CTNND2: variants seen among roughly 807,000 people sequenced by gnomAD.
The protein encoded by CTNND2 is catenin delta-2.
Under a neutral mutation model 144.4 loss-of-function variants are expected in CTNND2, and 22 were observed. The ratio of observed to expected loss-of-function variants is 0.15; its 90% CI spans 0.11 to 0.22. The LOEUF (loss-of-function observed/expected upper bound fraction) is 0.22, where lower values mean the gene tolerates loss of function less well. Among genes scored for constraint, CTNND2 ranks in the 10% least tolerant of loss-of-function variants. The pLI, the probability that CTNND2 is intolerant of heterozygous loss-of-function variation, is 1.00. For synonymous variants in CTNND2, 751 were observed against 695.6 expected, an observed-to-expected ratio of 1.08 and a Z score of -1.25; for missense variants, 1,353 against 1,618.8, an observed-to-expected ratio of 0.84 and a Z score of 2.82.
chr5:11,547,716 A>G (rs1425407183), intron 3 of CTNND2, among the ~76,000 whole-genome samples: 1 of 152,218 alleles, frequency 6.6e-6, no homozygotes, highest in Non-Finnish European at 1.5e-5. Context: ...CAGATTTGCA[A>G]CAACAGCACC....
chr5:11,255,889 T>C (rs1265576696), intron 9 of CTNND2, among the ~76,000 whole-genome samples: 1 of 152,208 alleles, frequency 6.6e-6, no homozygotes, highest in Non-Finnish European at 1.5e-5. Flanking sequence ...CTCCAGGCTG[T>C]AGCCTCTCCA....
At chr5:11,409,143 A>C (rs1761321994) in intron 5 of CTNND2, among the ~76,000 whole-genome samples, 1 of 151,940 alleles carries the variant, frequency 6.6e-6, no homozygotes, top group African/African-American at 2.4e-5. Context: ...TTGCTTAGTA[A>C]ATGCTATGCA....
At position 10,988,706 on chromosome 5, in the gene CTNND2, T is replaced by C. The variant is rs1293932740; in HGVS notation, c.3212-464A>G. Among the ~76,000 whole-genome samples, 1 of 152,202 alleles carries C rather than the reference T, an allele frequency of 6.6e-6. No homozygotes were observed. Among genetic ancestry groups the C allele is most frequent in the African/African-American group, 2.4e-5 (1 of 41,446 alleles). On this transcript the variant is annotated intron_variant, in intron 19 of 21. Transcript: ENST00000304623. The surrounding 1 kb of genome is among the most constrained non-coding windows in gnomAD (Gnocchi z 5.9). ...TCCTTGATTAAAATAAATGCAGTTTTACTTAAACACTGAGTCACCTAGAAA... is the reference window on the plus strand; with the variant it reads ...TCCTTGATTAAAATAAATGCAGTTTCACTTAAACACTGAGTCACCTAGAAA...
At chr5:11,309,660 G>A (rs1041913574) in intron 9 of CTNND2, among the ~76,000 whole-genome samples, 1 of 152,280 alleles carries the variant, frequency 6.6e-6, no homozygotes, top group East Asian at 1.9e-4. Flanking sequence ...AAGACTTGGG[G>A]GACTGTTGAG....
intron 1 of CTNND2, among the ~76,000 whole-genome samples, chr5:11,890,268 C>T (rs910243038): frequency 6.6e-6 from 1 of 152,140 alleles, no homozygotes; most frequent in African/African-American, 2.4e-5. Flanking sequence ...AGTATAGTCT[C>T]ATATATTTAA....
intron 1 of CTNND2, among the ~76,000 whole-genome samples, chr5:11,750,845 ATTATC>A (rs984548285): frequency 2.0e-5 from 3 of 151,872 alleles, no homozygotes; most frequent in South Asian, 2.1e-4. Flanking sequence ...TATATTTTAA[ATTATC>A]TTATACACCA....
intron 2 of CTNND2, among the ~76,000 whole-genome samples, chr5:11,716,256 CCAA>C (rs912698809): frequency 2.6e-5 from 4 of 151,968 alleles, no homozygotes; most frequent in African/African-American, 7.3e-5. Flanking sequence ...AAATGTAAAC[CCAA>C]CAACAAGAAG....
chr5:11,691,345 C>T (rs538816105), intron 2 of CTNND2, among the ~76,000 whole-genome samples: 15 of 151,316 alleles, frequency 9.9e-5, no homozygotes, highest in African/African-American at 3.4e-4. Context: ...TCACTCCAGC[C>T]TGGGCGACAG....
chr5:11,679,118 A>T, intron 2 of CTNND2, among the ~76,000 whole-genome samples: 1 of 151,992 alleles, frequency 6.6e-6, no homozygotes, highest in Admixed American at 6.6e-5. Context: ...CTATCCAGGA[A>T]CCAATCAGTG....
chr5:11,696,891 T>C (rs531571126), intron 2 of CTNND2, among the ~76,000 whole-genome samples: 100 of 152,362 alleles, frequency 6.6e-4, no homozygotes, highest in African/African-American at 2.3e-3. Flanking sequence ...TGTGCTCACT[T>C]AAAGATACAT....
intron 16 of CTNND2, among the ~76,000 whole-genome samples, chr5:11,074,128 A>G (rs1046749269): frequency 6.6e-6 from 1 of 152,216 alleles, no homozygotes; most frequent in Non-Finnish European, 1.5e-5. Flanking sequence ...CAGGGCCAAG[A>G]GCACAAGTAA....
intron 3 of CTNND2, among the ~76,000 whole-genome samples, chr5:11,430,401 T>A (rs529643460): frequency 7.3e-6 from 1 of 137,396 alleles, no homozygotes; most frequent in African/African-American, 2.9e-5. Flanking sequence ...AAAATAATGA[T>A]GTAGGTGAGG....
At chr5:11,348,168 G>T (rs192317238) in intron 8 of CTNND2, among the ~76,000 whole-genome samples, 20 of 152,276 alleles carry the variant, frequency 1.3e-4, no homozygotes, top group East Asian at 9.6e-4. Context: ...AAAATAATCA[G>T]ATTAGGCTAA....
chr5:11,040,469 C>G (rs138366977), intron 16 of CTNND2, among the ~76,000 whole-genome samples: 51 of 152,268 alleles, frequency 3.3e-4, no homozygotes, highest in African/African-American at 1.2e-3. Context: ...CCTATTCCAT[C>G]TGTTTGGAAG....
chr5:11,074,029 T>C (rs939689955), intron 16 of CTNND2, among the ~76,000 whole-genome samples: 2 of 152,208 alleles, frequency 1.3e-5, no homozygotes, highest in African/African-American at 2.4e-5. Context: ...CTTACATATT[T>C]CCAGTACTAA....
chr5:11,689,380 C>T (rs1325029317), intron 2 of CTNND2, among the ~76,000 whole-genome samples: 1 of 152,202 alleles, frequency 6.6e-6, no homozygotes, highest in African/African-American at 2.4e-5. Context: ...TCTCTTCTCT[C>T]CACATACATT....
At chr5:11,674,826 A>C (rs1784087589) in intron 2 of CTNND2, among the ~76,000 whole-genome samples, 1 of 152,082 alleles carries the variant, frequency 6.6e-6, no homozygotes, top group Admixed American at 6.5e-5. Flanking sequence ...CCTGGGTTCA[A>C]GCAATTCTCC....
At chr5:11,046,134 C>T (rs1384877262) in intron 16 of CTNND2, among the ~76,000 whole-genome samples, 1 of 152,128 alleles carries the variant, frequency 6.6e-6, no homozygotes, top group African/African-American at 2.4e-5. Context: ...CCCCCAGTCC[C>T]TCAGAATGCG....
At chr5:11,311,619 C>T (rs529792428) in intron 9 of CTNND2, among the ~76,000 whole-genome samples, 1 of 149,664 alleles carries the variant, frequency 6.7e-6, no homozygotes. Context: ...CCTCCCCATG[C>T]ACCCTCACCC....
Sources: allele counts gnomAD v4.1 joint callset (sites outside exome capture counted in the v4.1 genomes callset), GRCh38; gene constraint gnomAD v4.1.1; non-coding constraint Gnocchi (gnomAD v3.1); transcripts MANE v1.5; gene names NCBI Gene and HGNC (gene_info 2026-07-23, HGNC 2026-07-21).